SAR1B: variants seen among roughly 807,000 people sequenced by gnomAD.
The protein encoded by SAR1B is secretion associated Ras related GTPase 1B.
In SAR1B, 23 loss-of-function variants were observed where a neutral mutation model predicts 26.8. The ratio of observed to expected loss-of-function variants is 0.86; its 90% confidence interval spans 0.62 to 1.22. The LOEUF (loss-of-function observed/expected upper bound fraction) is 1.22, where lower values mean the gene tolerates loss of function less well. SAR1B is among the 50% of genes most tolerant of loss of function. The probability of loss-of-function intolerance (pLI) is 0.00; values close to 1 mark genes in which losing one functional copy is unlikely to be tolerated. For synonymous variants in SAR1B, 65 were observed against 80.8 expected, an observed-to-expected ratio of 0.80 and a Z score of 1.05; for missense variants, 196 against 232.8, an observed-to-expected ratio of 0.84 and a Z score of 1.03.
chr5:134,628,094 G>A (rs1227469597), intron 1 of SAR1B, among the ~76,000 whole-genome samples: 1 of 151,466 alleles, frequency 6.6e-6, no homozygotes, highest in Non-Finnish European at 1.5e-5. Context: ...AGCCGAGATC[G>A]TGCCACTGCA....
Position 134,623,966 on chromosome 5 carries a change from A to G in SAR1B, c.54T>C (p.Phe18=), listed in dbSNP as rs751387628. ...AGAACAAAGGACCAACATTACCTAA[A>G]AACTGTAGCACACTGCTGAAACCAC... ...IYSGFSSVLQ[F]LGLYKKTGKL... The change falls in exon 2 of 7, where the codon TTT becomes TTC. Residue 18 remains phenylalanine, a synonymous_variant. Coordinates refer to ENST00000402673, the MANE Select transcript of SAR1B (RefSeq NM_016103.4). 9.3e-6 allele frequency: 15 copies of G among 1,605,736 alleles called. 1 individual carries two copies. The South Asian group carries it at 1.5e-4, about 16-fold the overall frequency.
At chr5:134,612,613 C>G in intron 4 of SAR1B, 78 bp downstream of exon 4, 2 of 1,312,940 alleles carry the variant, frequency 1.5e-6, no homozygotes, top group Non-Finnish European at 2.0e-6. Context: ...CCACTGCACT[C>G]CAGCCTGGGA....
chr5:134,613,234 T>G (rs554593480), intron 3 of SAR1B: 1 of 165,482 alleles, frequency 6.0e-6, no homozygotes, highest in Non-Finnish European at 1.3e-5. Context: ...GGTGGACGCA[T>G]CAGATTATAA....
chr5:134,623,190 T>C (rs1158728361), intron 2 of SAR1B, among the ~76,000 whole-genome samples: 2 of 151,118 alleles, frequency 1.3e-5, no homozygotes, highest in South Asian at 2.1e-4. Flanking sequence ...CCTGTAATCC[T>C]AGCACTTTGG....
Position 134,612,680 on chromosome 5 carries a change from A to AAAAAAAAAATAAAATTT in SAR1B, c.244+10_244+11insAAATTTTATTTTTTTTT. On this transcript the variant is annotated intron_variant, in intron 4 of 6. Transcript: ENST00000402673. ...AAAAAAAAAAAAAAAAAAAAAAAAA[A>AAAAAAAAAATAAAATTT]AGAATCTTACCTTGAACATGTCCAC... The AAAAAAAAAATAAAATTT allele has an allele frequency of 9.6e-7, 1 of 1,043,432 alleles. No homozygotes were observed. Among genetic ancestry groups the AAAAAAAAAATAAAATTT allele is most frequent in the South Asian group, 2.2e-5 (1 of 45,246 alleles). 64.6% of individuals were successfully genotyped at this position (1,043,432 alleles called of 1,614,324 possible). A position where few individuals can be genotyped will look rare whatever the true frequency, so the allele number is the denominator to read the frequency against.
At chr5:134,631,061 C>T (rs1300229743) in intron 1 of SAR1B, among the ~76,000 whole-genome samples, 1 of 151,144 alleles carries the variant, frequency 6.6e-6, no homozygotes, top group Non-Finnish European at 1.5e-5. Flanking sequence ...GGGCCCTGCA[C>T]CCAGCAAATT....
At chr5:134,626,228 G>A (rs1765490144) in intron 1 of SAR1B, among the ~76,000 whole-genome samples, 1 of 144,192 alleles carries the variant, frequency 6.9e-6, no homozygotes, top group Admixed American at 7.3e-5. Flanking sequence ...GAACCCAGGA[G>A]GCAGAGGTTG....
At chr5:134,622,410 C>CTTTTTTTTT (rs70976542) in intron 2 of SAR1B, among the ~76,000 whole-genome samples, 6 of 135,600 alleles carry the variant, frequency 4.4e-5, no homozygotes, top group African/African-American at 1.6e-4. Flanking sequence ...AGCCCATATT[C>CTTTTTTTTT]TTTTTTTTTT....
rs553905598 is a variant in SAR1B at position 134,618,861 on chromosome 5, G to C, written c.178+2072C>G. On this transcript the variant is annotated intron_variant, in intron 3 of 6. Coordinates refer to ENST00000402673, the MANE Select transcript of SAR1B (RefSeq NM_016103.4). ...AAAAATACAAAAATTAGCTGGGCTTGGTAGCACATGCCTGTAATCCCAGCT... is the reference window on the plus strand; with the variant it reads ...AAAAATACAAAAATTAGCTGGGCTTCGTAGCACATGCCTGTAATCCCAGCT... Among the ~76,000 whole-genome samples the C allele has an allele frequency of 4.6e-5, 7 of 152,090 alleles. No homozygotes were observed. In the South Asian group the frequency reaches 1.5e-3, roughly 32 times the overall value.
intron 3 of SAR1B, among the ~76,000 whole-genome samples, chr5:134,619,813 T>A (rs902961876): frequency 2.0e-5 from 3 of 152,116 alleles, no homozygotes; most frequent in African/African-American, 7.2e-5. Context: ...TTGTAATGTA[T>A]CTACTGAATT....
At chr5:134,627,504 A>G (rs1436687958) in intron 1 of SAR1B, among the ~76,000 whole-genome samples, 1 of 150,696 alleles carries the variant, frequency 6.6e-6, no homozygotes, top group Non-Finnish European at 1.5e-5. Context: ...TGGCTCATTT[A>G]CTTTTTAAAA....
chr5:134,609,570 C>T lies in SAR1B; in HGVS notation c.348+1G>A. ...TATTTAGTTTCAGTTATTTAACTTA[C>T]ATCAAGTTCTTCTTTTGACTCTAAC... is the stretch of plus-strand genomic sequence containing the variant. On this transcript the variant is annotated splice_donor_variant, in intron 5 of 6. Transcript: ENST00000402673. LOFTEE classifies it high-confidence loss of function. 6.2e-7 allele frequency: 1 copy of T among 1,610,614 alleles called. No individual in the cohort carries two copies. The highest frequency in any genetic ancestry group is 1.3e-5 in the African/African-American group (1 of 74,954).
intron 1 of SAR1B, among the ~76,000 whole-genome samples, chr5:134,625,101 A>G (rs1462034364): frequency 6.6e-6 from 1 of 152,216 alleles, no homozygotes; most frequent in Non-Finnish European, 1.5e-5. Context: ...TTAGGAGGAA[A>G]GATGGCCAGA....
chr5:134,620,874 G>C, intron 3 of SAR1B, 59 bp downstream of exon 3: 9 of 1,595,286 alleles, frequency 5.6e-6, no homozygotes, highest in Non-Finnish European at 7.7e-6. Flanking sequence ...CTTTTGGTTA[G>C]TGCATATGAC....
chr5:134,607,128 G>T, intron 6 of SAR1B, 62 bp from the exon 7 acceptor site: 1 of 1,010,722 alleles, frequency 9.9e-7, no homozygotes, highest in South Asian at 1.3e-5. Context: ...CCACATCCCA[G>T]CAGAATTATA....
At chr5:134,620,609 C>T (rs1765389166) in intron 3 of SAR1B, among the ~76,000 whole-genome samples, 1 of 152,162 alleles carries the variant, frequency 6.6e-6, no homozygotes. Context: ...GCCTGTAATC[C>T]CAATACTTTC....
intron 5 of SAR1B, 108 bp from the exon 6 acceptor site, chr5:134,608,611 A>G: frequency 8.3e-7 from 1 of 1,211,118 alleles, no homozygotes; most frequent in East Asian, 2.5e-5. Flanking sequence ...ATATCATGTC[A>G]TACCAACGTT....
At chr5:134,608,607 T>A in intron 5 of SAR1B, 104 bp from the exon 6 acceptor site, 2 of 1,241,710 alleles carry the variant, frequency 1.6e-6, no homozygotes, top group Non-Finnish European at 2.3e-6. Flanking sequence ...TACCATATCA[T>A]GTCATACCAA....
rs539001181 is a variant in SAR1B, at chr5:134,612,619, T to TGGGA, written c.244+68_244+71dup. 8.2e-5 allele frequency: 98 copies of TGGGA among 1,190,428 alleles called. 2 individuals are homozygous for TGGGA. In the East Asian group the frequency reaches 4.5e-3, roughly 55 times the overall value. The allele number at this position is 1,190,428 out of a possible 1,614,324, so 73.7% of individuals were successfully genotyped here. ...GAGATTGCACCACTGCACTCCAGCC[T>TGGGA]GGGAGACAGAGTGAGCCTGTCTAAA... is the stretch of plus-strand genomic sequence containing the variant. On this transcript the variant is annotated intron_variant, in intron 4 of 6. Coordinates refer to ENST00000402673, the MANE Select transcript of SAR1B (RefSeq NM_016103.4).
Sources: gnomAD v4.1 joint callset for allele counts (sites outside exome capture counted in the v4.1 genomes callset) on GRCh38, gnomAD v4.1.1 for gene constraint, MANE v1.5 for transcripts, NCBI Gene and HGNC (gene_info 2026-07-23, HGNC 2026-07-21) for gene names.